Variants in C16orf89 observed in about 807,000 individuals in gnomAD.
C16orf89 encodes chromosome 16 open reading frame 89, also known as UPF0764 protein C16orf89.
Under a neutral mutation model 41.5 loss-of-function variants are expected in C16orf89, and 57 were observed. The observed-to-expected ratio is 1.38, with a 90% CI of 1.11 to 1.71. The LOEUF is 1.71. Ranked by LOEUF, C16orf89 falls within the 40% of genes most tolerant of loss-of-function variation. C16orf89 has a pLI of 0.00. For missense variants in C16orf89, 575 were observed against 445.9 expected, an observed-to-expected ratio of 1.29 and a Z score of -2.61; for synonymous variants, 223 against 190.6, an observed-to-expected ratio of 1.17 and a Z score of -1.40.
At chr16:5,065,665 C>T in intron 1 of C16orf89, 36 bp downstream of exon 1, 1 of 1,578,244 alleles carries the variant, frequency 6.3e-7, no homozygotes, top group Non-Finnish European at 8.7e-7. Flanking sequence ...GAGCTAGCTT[C>T]CCAGTGTCCA....
At position 5,062,562 on chromosome 16, in the gene C16orf89, CTTTT is replaced by C; in HGVS notation, c.217_220del (p.Lys73ValfsTer15). On this transcript the variant is annotated frameshift_variant, in exon 2 of 8. Coordinates refer to ENST00000472572, the MANE Select transcript of C16orf89 (RefSeq NM_001098514.3). LOFTEE classifies it high-confidence loss of function. ...CTCCTGGGCCCACTTCTCCCGGACA[CTTTT>C]TAGCTGCTCTGGAAGGGAACAGAGT... 1 of 1,610,302 alleles carries C rather than the reference CTTTT, an allele frequency of 6.2e-7. No individual in the cohort carries two copies. The highest frequency in any genetic ancestry group is 2.2e-5 in the East Asian group (1 of 44,786).
At chr16:5,056,390 C>T (rs1472152899) in intron 4 of C16orf89, among the ~76,000 whole-genome samples, 1 of 152,180 alleles carries the variant, frequency 6.6e-6, no homozygotes, top group African/African-American at 2.4e-5. Context: ...AGATCCAGCT[C>T]TGCCACTTAG....
intron 6 of C16orf89, among the ~76,000 whole-genome samples, chr16:5,050,494 A>G (rs1223091972): frequency 2.0e-5 from 3 of 152,250 alleles, no homozygotes; most frequent in Admixed American, 6.5e-5. Context: ...TGAATGTGTA[A>G]TAAAAAGTCT....
chr16:5,053,477 G>C (rs1956434622), intron 6 of C16orf89, among the ~76,000 whole-genome samples: 1 of 152,108 alleles, frequency 6.6e-6, no homozygotes, highest in Non-Finnish European at 1.5e-5. Context: ...GTACAGCCAG[G>C]AGGAGGAATA....
At chr16:5,045,650 C>T (rs1019518055) in intron 7 of C16orf89, among the ~76,000 whole-genome samples, 6 of 152,152 alleles carry the variant, frequency 3.9e-5, no homozygotes, top group Middle Eastern at 6.3e-3. Context: ...GAGGGCTTTG[C>T]ACGATGATCA....
chr16:5,048,722 A>C (rs895803874), intron 6 of C16orf89, among the ~76,000 whole-genome samples: 3 of 152,220 alleles, frequency 2.0e-5, no homozygotes, highest in Non-Finnish European at 4.4e-5. Context: ...AAATAGAAAG[A>C]AGAAAGAGAA....
chr16:5,056,297 G>C, intron 4 of C16orf89, 109 bp from the exon 5 acceptor site: 1 of 1,067,864 alleles, frequency 9.4e-7, no homozygotes, highest in Middle Eastern at 2.5e-4. Context: ...AAGGGGCTGT[G>C]TTTAGGGCTG....
intron 6 of C16orf89, among the ~76,000 whole-genome samples, chr16:5,052,144 G>T (rs977467861): frequency 6.7e-6 from 1 of 148,862 alleles, no homozygotes; most frequent in Non-Finnish European, 1.5e-5. Context: ...AAGAAAAAAG[G>T]CAAATGAGCT....
At chr16:5,044,022 A>T, downstream of C16orf89, 1 of 719,228 alleles carries the variant, frequency 1.4e-6, no homozygotes. Context: ...AAAGGAAAAA[A>T]GAAAAAAGAA....
chr16:5,059,011 A>T (rs1051990288), intron 3 of C16orf89, among the ~76,000 whole-genome samples: 2 of 152,080 alleles, frequency 1.3e-5, no homozygotes, highest in African/African-American at 2.4e-5. Flanking sequence ...AGGCTGAGGC[A>T]GGCAAGTCAC....
chr16:5,045,731 C>G (rs1249928102), intron 7 of C16orf89, among the ~76,000 whole-genome samples: 1 of 152,138 alleles, frequency 6.6e-6, no homozygotes, highest in Non-Finnish European at 1.5e-5. Flanking sequence ...GGTTGTGTGA[C>G]TTTCGCAGCA....
At chr16:5,056,553 G>C (rs1380408386) in intron 4 of C16orf89, among the ~76,000 whole-genome samples, 1 of 152,166 alleles carries the variant, frequency 6.6e-6, no homozygotes, top group East Asian at 1.9e-4. Flanking sequence ...GCCACTAGGA[G>C]GTGCTCTGTG....
chr16:5,059,206 G>A (rs897441042), intron 3 of C16orf89, among the ~76,000 whole-genome samples: 2 of 151,822 alleles, frequency 1.3e-5, no homozygotes, highest in Admixed American at 1.3e-4. Context: ...AGTTGAGATC[G>A]CATCACTGCA....
chr16:5,059,463 G>C (rs1054968183), intron 3 of C16orf89, among the ~76,000 whole-genome samples: 16 of 151,884 alleles, frequency 1.1e-4, no homozygotes, highest in Admixed American at 9.2e-4. Context: ...GTGAGCCTCT[G>C]TCTCAAAAAA....
At chr16:5,061,186 C>G (rs188764595) in intron 2 of C16orf89, among the ~76,000 whole-genome samples, 1 of 140,156 alleles carries the variant, frequency 7.1e-6, no homozygotes, top group South Asian at 2.4e-4. Context: ...AGCATGAACC[C>G]GGGAGACAGA....
intron 6 of C16orf89, among the ~76,000 whole-genome samples, chr16:5,048,955 A>G (rs1375646619): frequency 6.6e-6 from 1 of 152,208 alleles, no homozygotes; most frequent in South Asian, 2.1e-4. Context: ...CGACCCAACT[A>G]TATGCTGCCT....
At chr16:5,045,194 C>G (rs1956273217) in intron 7 of C16orf89, among the ~76,000 whole-genome samples, 1 of 152,214 alleles carries the variant, frequency 6.6e-6, no homozygotes. Context: ...GCACCGGAGT[C>G]CTGTCCCAGG....
chr16:5,049,584 C>A (rs1430549288), intron 6 of C16orf89, among the ~76,000 whole-genome samples: 1 of 152,134 alleles, frequency 6.6e-6, no homozygotes, highest in Non-Finnish European at 1.5e-5. Flanking sequence ...GGAAATTAAA[C>A]AACATGTTCC....
chr16:5,052,050 C>A (rs533852343), intron 6 of C16orf89, among the ~76,000 whole-genome samples: 1 of 126,104 alleles, frequency 7.9e-6, no homozygotes, highest in African/African-American at 3.1e-5. Context: ...TTGCAGTGAG[C>A]AAGACTGTGC....
Sources: gnomAD v4.1 joint callset for allele counts (sites outside exome capture counted in the v4.1 genomes callset) on GRCh38, gnomAD v4.1.1 for gene constraint, MANE v1.5 for transcripts, NCBI Gene and HGNC (gene_info 2026-07-23, HGNC 2026-07-21) for gene names.